TMEM209: variants seen among roughly 807,000 people sequenced by gnomAD.
TMEM209 encodes the protein transmembrane protein 209, also known as testicular tissue protein Li 202.
A neutral mutation model predicts 76.2 loss-of-function variants in TMEM209; 65 were observed. The observed-to-expected ratio is 0.85, with a 90% CI of 0.70 to 1.05. The LOEUF is 1.05. Among genes scored for constraint, TMEM209 ranks in the 50% least tolerant of loss-of-function variants. The pLI, the probability that TMEM209 is intolerant of heterozygous loss-of-function variation, is 0.00. For synonymous variants in TMEM209, 239 were observed against 237.6 expected (o/e 1.01, Z -0.06); for missense variants, 623 against 685.5 (o/e 0.91, Z 1.02).
chr7:130,200,315 T>C (rs1440777220), intron 5 of TMEM209, among the ~76,000 whole-genome samples: 1 of 152,198 alleles, frequency 6.6e-6, no homozygotes, highest in African/African-American at 2.4e-5. Flanking sequence ...TATTGTCATG[T>C]TTCTTATTAG....
At position 130,164,909 on chromosome 7, in the gene TMEM209, A is replaced by G. The variant is rs915010953; in HGVS notation, c.*1542T>C. The stretch of plus-strand genomic sequence containing the variant: ...GCAAATAAATATTCAACATACACCA[A>G]AAGTACTTAAAAGAAGCTCCTTTCC... On this transcript the variant is annotated 3_prime_UTR_variant, in exon 15 of 15. Coordinates refer to ENST00000397622, the MANE Select transcript of TMEM209 (RefSeq NM_032842.4). 2 of 152,180 alleles carry G rather than the reference A, an allele frequency of 1.3e-5. No individual in the cohort carries two copies. The highest frequency in any genetic ancestry group is 4.8e-5 in the African/African-American group (2 of 41,460). 9.4% of individuals were successfully genotyped at this position (152,180 alleles called of 1,614,324 possible).
intron 13 of TMEM209, among the ~76,000 whole-genome samples, chr7:130,173,429 T>C (rs1318575487): frequency 6.6e-6 from 1 of 152,226 alleles, no homozygotes; most frequent in Non-Finnish European, 1.5e-5. Context: ...GGTAATGGAA[T>C]GAGTGATTTT....
At chr7:130,194,395 A>G (rs970686449) in intron 5 of TMEM209, among the ~76,000 whole-genome samples, 4 of 151,998 alleles carry the variant, frequency 2.6e-5, no homozygotes, top group African/African-American at 9.7e-5. Flanking sequence ...GTGAGCCACG[A>G]CTGTGCCACT....
chr7:130,192,282 GACT>G, intron 6 of TMEM209: 1 of 221,096 alleles, frequency 4.5e-6, no homozygotes, highest in Non-Finnish European at 9.2e-6. Context: ...CCTTCCAAAA[GACT>G]ACTTGAAAAG....
intron 10 of TMEM209, among the ~76,000 whole-genome samples, chr7:130,176,931 T>C (rs1220886706): frequency 1.3e-5 from 2 of 150,468 alleles, no homozygotes; most frequent in Admixed American, 6.6e-5. Flanking sequence ...GGAGGGAGGA[T>C]TGCCATAGCC....
intron 10 of TMEM209, among the ~76,000 whole-genome samples, chr7:130,177,348 CA>C (rs755580801): frequency 0.2 from 20,440 of 102,240 alleles, 1,745 homozygotes; most frequent in Middle Eastern, 0.27. Context: ...AGACTGTCTC[CA>C]AAAAAAAAAA....
intron 8 of TMEM209, among the ~76,000 whole-genome samples, chr7:130,182,909 G>T (rs531467426): frequency 5.7e-4 from 87 of 152,272 alleles, no homozygotes; most frequent in African/African-American, 2.0e-3. Flanking sequence ...CACTGAGTGT[G>T]ACTATTCATA....
At chr7:130,184,303 G>A in intron 7 of TMEM209, 48 bp from the exon 8 acceptor site, 1 of 1,336,186 alleles carries the variant, frequency 7.5e-7, no homozygotes, top group South Asian at 1.4e-5. Context: ...GAAAAATCTT[G>A]ATAGAAATCA....
At chr7:130,185,448 C>G in intron 6 of TMEM209, 81 bp from the exon 7 acceptor site, 1 of 1,245,396 alleles carries the variant, frequency 8.0e-7, no homozygotes. Flanking sequence ...TAGGCAATGG[C>G]AATCCAGGAA....
Position 130,203,848 on chromosome 7 carries a change from T to TA in TMEM209, c.141-3_141-2insT, listed in dbSNP as rs775090254. On this transcript the variant is annotated splice_region_variant and splice_polypyrimidine_tract_variant and intron_variant, in intron 2 of 14. Coordinates refer to ENST00000397622, the MANE Select transcript of TMEM209 (RefSeq NM_032842.4). ...TATGAACTAATCAATTTTCCAGTCCTGAAAAAAAATTAGAAAGGCTTTCCA... is the reference window on the plus strand; with the variant it reads ...TATGAACTAATCAATTTTCCAGTCCTAGAAAAAAAATTAGAAAGGCTTTCCA... The TA allele has an allele frequency of 4.4e-6, 7 of 1,578,894 alleles. No homozygotes were observed. Among genetic ancestry groups the TA allele is most frequent in the Non-Finnish European group, 6.0e-6 (7 of 1,163,246 alleles).
At position 130,165,482 on chromosome 7, in the gene TMEM209, T is replaced by A. The variant is rs2116960237; in HGVS notation, c.*969A>T. 1 of 152,192 alleles carries A rather than the reference T, an allele frequency of 6.6e-6. No individual in the cohort carries two copies. The highest frequency in any genetic ancestry group is 2.1e-4 in the South Asian group (1 of 4,826). The allele number at this position is 152,192 out of a possible 1,614,324, so 9.4% of individuals were successfully genotyped here. A position where few individuals can be genotyped will look rare whatever the true frequency, so the allele number is the denominator to read the frequency against. On this transcript the variant is annotated 3_prime_UTR_variant, in exon 15 of 15. Transcript: ENST00000397622. ...AACTGAGCTGCTAAAACCAAAGTAG[T>A]AAACAGTTTTCCTGATGTCCTCACA... is the stretch of plus-strand genomic sequence containing the variant.
chr7:130,171,185 T>TAA (rs1797056132), intron 13 of TMEM209, among the ~76,000 whole-genome samples: 1 of 152,162 alleles, frequency 6.6e-6, no homozygotes, highest in Non-Finnish European at 1.5e-5. Context: ...TATAATGGCA[T>TAA]AAACAAGTGT....
chr7:130,184,519 GTC>G, intron 7 of TMEM209, among the ~76,000 whole-genome samples: 1 of 137,724 alleles, frequency 7.3e-6, no homozygotes, highest in South Asian at 2.3e-4. Flanking sequence ...TTGAGATGGA[GTC>G]TCTCTCTGTT....
chr7:130,187,649 CT>C (rs1171973643), intron 6 of TMEM209, among the ~76,000 whole-genome samples: 4 of 136,878 alleles, frequency 2.9e-5, no homozygotes, highest in Admixed American at 7.4e-5. Context: ...TGTTGGGAGA[CT>C]TAAAAAAAAA....
chr7:130,177,629 T>C (rs564120510), intron 10 of TMEM209, among the ~76,000 whole-genome samples: 111 of 152,204 alleles, frequency 7.3e-4, no homozygotes, highest in African/African-American at 2.4e-3. Context: ...CTTCAAACAA[T>C]ACAGGAAGAA....
intron 8 of TMEM209, among the ~76,000 whole-genome samples, chr7:130,182,243 C>A (rs1172055229): frequency 6.6e-6 from 1 of 151,624 alleles, no homozygotes; most frequent in East Asian, 1.9e-4. Flanking sequence ...CGCCTGGCAA[C>A]TAAATTACAT....
intron 1 of TMEM209, chr7:130,205,137 T>C (rs1798398589): frequency 7.6e-6 from 11 of 1,455,392 alleles, no homozygotes; most frequent in Middle Eastern, 2.4e-4. Context: ...GACAGAGCAA[T>C]AGCTTTCGCG....
At chr7:130,179,604 G>A (rs1448506531) in intron 9 of TMEM209, among the ~76,000 whole-genome samples, 1 of 152,098 alleles carries the variant, frequency 6.6e-6, no homozygotes, top group Non-Finnish European at 1.5e-5. Flanking sequence ...CCAATGTTAG[G>A]AAAAACATTC....
At chr7:130,175,198 G>A (rs926254581) in intron 11 of TMEM209, 17 of 249,336 alleles carry the variant, frequency 6.8e-5, no homozygotes, top group African/African-American at 1.6e-4. Context: ...ACAGTAGCTC[G>A]TGTCTGTAAA....
Sources: gnomAD v4.1 joint callset for allele counts (sites outside exome capture counted in the v4.1 genomes callset) on GRCh38, gnomAD v4.1.1 for gene constraint, MANE v1.5 for transcripts, NCBI Gene and HGNC (gene_info 2026-07-23, HGNC 2026-07-21) for gene names.